IGSF22: variants seen among roughly 807,000 people sequenced by gnomAD.
The protein encoded by IGSF22 is immunoglobulin superfamily member 22, also known as immunoglobulin superfamily, member 22.
Under a neutral mutation model 127.0 loss-of-function variants are expected in IGSF22, and 119 were observed. That is an observed-to-expected ratio of 0.94 (90% CI 0.81 to 1.09). The LOEUF (loss-of-function observed/expected upper bound fraction) is 1.09. Among genes scored for constraint, IGSF22 ranks in the 50% least tolerant of loss-of-function variants. IGSF22 has a pLI of 0.00. For synonymous variants in IGSF22, 568 were observed against 664.7 expected, an observed-to-expected ratio of 0.85 and a Z score of 2.24; for missense variants, 1,518 against 1,716.6, an observed-to-expected ratio of 0.88 and a Z score of 2.04.
intron 15 of IGSF22, 28 bp from the exon 16 acceptor site, chr11:18,710,856 T>G: frequency 6.3e-7 from 1 of 1,589,212 alleles, no homozygotes; most frequent in East Asian, 2.3e-5. Flanking sequence ...AGTGCAAAGG[T>G]TAGGAGGGGG....
At chr11:18,725,662 G>A (rs1466092802) in intron 1 of IGSF22, among the ~76,000 whole-genome samples, 1 of 151,820 alleles carries the variant, frequency 6.6e-6, no homozygotes, top group Non-Finnish European at 1.5e-5. Flanking sequence ...GGCTAGTCTC[G>A]AATACCTGAC....
At chr11:18,705,420 A>T in intron 22 of IGSF22, 1 of 190,848 alleles carries the variant, frequency 5.2e-6, no homozygotes, top group South Asian at 1.2e-4. Flanking sequence ...ATCCTAGACC[A>T]GTTTTAATTT....
At chr11:18,722,137 G>A (rs1203221644) in intron 2 of IGSF22, 96 bp from the exon 3 acceptor site, 2 of 1,450,696 alleles carry the variant, frequency 1.4e-6, no homozygotes, top group African/African-American at 2.8e-5. Flanking sequence ...TGGAGCATGG[G>A]AACAAAGAGC....
In IGSF22 at chr11:18,716,613, A is replaced by G; in HGVS notation, c.1246+115T>C. 1 of 1,097,708 alleles carries G rather than the reference A, an allele frequency of 9.1e-7. No homozygotes were observed. The highest frequency in any genetic ancestry group is 1.3e-6 in the Non-Finnish European group (1 of 744,350). The allele number at this position is 1,097,708 out of a possible 1,614,324, so 68.0% of individuals were successfully genotyped here. The stretch of plus-strand genomic sequence containing the variant: ...TCCCCCTGTCTTTCCAGTACCTACC[A>G]CAGGGCTTTGCAAAAAGGAGATGGA... On this transcript the variant is annotated intron_variant, in intron 10 of 22. Transcript: ENST00000513874. The surrounding 1 kb of genome is among the most constrained non-coding windows in gnomAD (Gnocchi z 4.5).
intron 2 of IGSF22, 137 bp from the exon 3 acceptor site, chr11:18,722,178 A>C: frequency 1.0e-6 from 1 of 987,754 alleles, no homozygotes; most frequent in Non-Finnish European, 1.5e-6. Context: ...GACCAGCTAC[A>C]TGGGGAGAAA....
intron 13 of IGSF22, 34 bp downstream of exon 13, chr11:18,714,243 G>T: frequency 1.2e-6 from 2 of 1,600,850 alleles, no homozygotes; most frequent in South Asian, 1.1e-5. Flanking sequence ...GGCCAGGCAT[G>T]GTTGAGCTTT....
chr11:18,709,523 G>T lies in IGSF22; in HGVS notation c.2862C>A (p.Pro954=). The T allele has an allele frequency of 6.2e-7, 1 of 1,614,178 alleles. No individual in the cohort carries two copies. Among genetic ancestry groups the T allele is most frequent in the Non-Finnish European group, 8.5e-7 (1 of 1,180,030 alleles). ...CCACTGTGTAGCAGGTGCCTGAGAT[G>T]GGGATCTTTGTGCACTTGGACCACT... is the stretch of plus-strand genomic sequence containing the variant. The part of the protein sequence containing the change: ...TKEWSKCTKI[P]ISGTCYTVGG... The change falls in exon 18 of 23, where the codon CCC becomes CCA. Residue 954 remains proline, a synonymous_variant. Coordinates refer to ENST00000513874, the MANE Select transcript of IGSF22 (RefSeq NM_173588.4). The surrounding 1 kb of genome is among the most constrained non-coding windows in gnomAD (Gnocchi z 4.8).
At chr11:18,706,827 T>G (rs1049735642) in intron 21 of IGSF22, 87 bp downstream of exon 21, 1 of 1,031,016 alleles carries the variant, frequency 9.7e-7, no homozygotes, top group African/African-American at 1.6e-5. Context: ...GATTTTATCT[T>G]GCCTCTTGGG....
At chr11:18,706,514 T>G (rs947940244) in intron 21 of IGSF22, 1 of 364,156 alleles carries the variant, frequency 2.7e-6, no homozygotes, top group Non-Finnish European at 5.0e-6. Flanking sequence ...TCTTATCCCT[T>G]TAGCTCCTCA....
chr11:18,712,031 C>T, intron 15 of IGSF22, 51 bp downstream of exon 15: 1 of 1,460,070 alleles, frequency 6.8e-7, no homozygotes, highest in Non-Finnish European at 9.3e-7. Flanking sequence ...GGCTTAAGGT[C>T]TCCATGCTGA....
intron 21 of IGSF22, chr11:18,706,623 C>A: frequency 2.5e-6 from 1 of 400,874 alleles, no homozygotes; most frequent in Non-Finnish European, 4.5e-6. Context: ...TTCTCAGCCC[C>A]GTTAGACCCT....
chr11:18,709,323 C>A lies in IGSF22; in HGVS notation c.2998+64G>T. 6.6e-7 allele frequency: 1 copy of A among 1,513,086 alleles called. No homozygotes were observed. Among genetic ancestry groups the A allele is most frequent in the East Asian group, 2.3e-5 (1 of 44,114 alleles). 93.7% of individuals were successfully genotyped at this position (1,513,086 alleles called of 1,614,324 possible). A position where few individuals can be genotyped will look rare whatever the true frequency, so the allele number is the denominator to read the frequency against. The stretch of plus-strand genomic sequence containing the variant: ...TCCAATTTTCCTGTGGGATGAGGCC[C>A]CAGAGGAGAAGGTTTGGAGGTACAA... On this transcript the variant is annotated intron_variant, in intron 18 of 22. Coordinates refer to ENST00000513874, the MANE Select transcript of IGSF22 (RefSeq NM_173588.4). The surrounding 1 kb of genome is among the most constrained non-coding windows in gnomAD (Gnocchi z 4.8).
At position 18,709,273 on chromosome 11, in the gene IGSF22, T is replaced by G; in HGVS notation, c.2998+114A>C. Reference sequence around the variant, plus strand: ...TTTGTCCAGGCACAACAACTATGGATGACTTTTTCATGATCCTAGCATCAT... The same window carrying G: ...TTTGTCCAGGCACAACAACTATGGAGGACTTTTTCATGATCCTAGCATCAT... On this transcript the variant is annotated intron_variant, in intron 18 of 22. Transcript: ENST00000513874. This position sits in a 1 kb window ranked among gnomAD's most constrained non-coding sequence, Gnocchi z 4.8. 4 of 1,132,360 alleles carry G rather than the reference T, an allele frequency of 3.5e-6. No individual in the cohort carries two copies. The highest frequency in any genetic ancestry group is 5.0e-6 in the Non-Finnish European group (4 of 798,478). 70.1% of individuals were successfully genotyped at this position (1,132,360 alleles called of 1,614,324 possible).
chr11:18,721,917 C>A lies in IGSF22; in HGVS notation c.234G>T (p.Ala78=), dbSNP rs765844843. The A allele has an allele frequency of 6.2e-7, 1 of 1,613,102 alleles. No homozygotes were observed. The highest frequency in any genetic ancestry group is 8.5e-7 in the Non-Finnish European group (1 of 1,180,030). Residue 78 remains alanine, a synonymous_variant, in exon 3 of 23, where the codon GCG becomes GCT. Transcript: ENST00000513874. Reference sequence around the variant, plus strand: ...CCACAGGCAGCAACACACCCTCGGGCGCGGTGACCGGTTGAGGCTTCTCCA... The same window carrying A: ...CCACAGGCAGCAACACACCCTCGGGAGCGGTGACCGGTTGAGGCTTCTCCA... ...EFVEKPQPVT[A]PEGDKAVFRA...
intron 22 of IGSF22, chr11:18,704,761 C>T: frequency 3.9e-6 from 2 of 509,238 alleles, no homozygotes; most frequent in South Asian, 2.3e-5. Flanking sequence ...GCCTCATAGT[C>T]CTATAAAGAA....
rs1404592401 is a variant in IGSF22 at position 18,706,097 on chromosome 11, G to A, written c.3630C>T (p.Arg1210=). 8 of 1,547,812 alleles carry A rather than the reference G, an allele frequency of 5.2e-6. No homozygotes were observed. The highest frequency in any genetic ancestry group is 7.0e-6 in the Non-Finnish European group (8 of 1,146,832). The change falls in exon 22 of 23, where the codon CGC becomes CGT. Residue 1210 remains arginine (R), a synonymous_variant. Transcript: ENST00000513874. The part of the protein sequence containing the change: ...KLKPYEKKDW[R]HAPRFVTPLK... Reference sequence around the variant, plus strand: ...GGGGCGTCACGAAGCGCGGCGCGTGGCGCCAGTCCTTCTTCTCGTAGGGCT... The same window carrying A: ...GGGGCGTCACGAAGCGCGGCGCGTGACGCCAGTCCTTCTTCTCGTAGGGCT...
Position 18,718,010 on chromosome 11 carries a change from G to A in IGSF22, c.894C>T (p.Ser298=). The change falls in exon 9 of 23, where the codon AGC becomes AGT. Residue 298 remains serine (S), a synonymous_variant. Transcript: ENST00000513874. ...TGCCAGCATCGTTCATGTTCACGTT[G>A]CTAATAACCAGCATGTACTTGGTGC... ...QMGTKYMLVI[S]NVNMNDAGIY... 1.9e-6 allele frequency: 3 copies of A among 1,614,214 alleles called. No homozygotes were observed. The highest frequency in any genetic ancestry group is 2.5e-6 in the Non-Finnish European group (3 of 1,180,042).
chr11:18,715,485 A>G lies in IGSF22; in HGVS notation c.1478T>C (p.Met493Thr), dbSNP rs1174692942. 3 of 1,613,872 alleles carry G rather than the reference A, an allele frequency of 1.9e-6. No homozygotes were observed. Among genetic ancestry groups the G allele is most frequent in the South Asian group, 1.1e-5 (1 of 91,078 alleles). Residue 493 changes from methionine (M) to threonine (T), a missense_variant, in exon 11 of 23, where the codon ATG becomes ACG. Physicochemically the swap from Met to Thr is moderately conservative, Grantham distance 81. Coordinates refer to ENST00000513874, the MANE Select transcript of IGSF22 (RefSeq NM_173588.4). ...GTATTCAGTAGGGTCTCCATCCTGC[A>G]TGGCCACCACAGTGTACTCGCCACC... Reference protein sequence around the residue: ...SDGGEYTVVAMQDGDPTEYYS... With the variant: ...SDGGEYTVVATQDGDPTEYYS...
In IGSF22 at chr11:18,714,557, C is replaced by T; in HGVS notation, c.1599G>A (p.Leu533=). 2 of 1,614,240 alleles carry T rather than the reference C, an allele frequency of 1.2e-6. No individual in the cohort carries two copies. The highest frequency in any genetic ancestry group is 1.7e-6 in the Non-Finnish European group (2 of 1,180,050). The part of the protein sequence containing the change: ...VHAATGSPAE[L]CVVLNDEKVE... ...CCTTCTCGTCATTCAGCACTACACACAACTCAGCTGGGCTCCCAGTGGCCG... is the reference window on the plus strand; with the variant it reads ...CCTTCTCGTCATTCAGCACTACACATAACTCAGCTGGGCTCCCAGTGGCCG... Residue 533 remains leucine, a synonymous_variant, in exon 12 of 23, where the codon TTG becomes TTA. Coordinates refer to ENST00000513874, the MANE Select transcript of IGSF22 (RefSeq NM_173588.4).
Sources: allele counts gnomAD v4.1 joint callset (sites outside exome capture counted in the v4.1 genomes callset), GRCh38; gene constraint gnomAD v4.1.1; non-coding constraint Gnocchi (gnomAD v3.1); transcripts MANE v1.5; gene names NCBI Gene and HGNC (gene_info 2026-07-23, HGNC 2026-07-21).